The following ATP6V1B2 variants were observed in gnomAD, a reference collection of about 807,000 sequenced individuals.
ATP6V1B2 encodes the protein ATPase H+ transporting V1 subunit B2.
ATP6V1B2 carries 23 observed loss-of-function variants against 66.7 expected under a neutral mutation model. The observed-to-expected ratio is 0.34, with a 90% CI of 0.25 to 0.49. The LOEUF (loss-of-function observed/expected upper bound fraction) is 0.49. ATP6V1B2 is among the 20% of genes least tolerant of loss of function. The pLI is 0.99. For synonymous variants in ATP6V1B2, 278 were observed against 236.7 expected (o/e 1.17, Z -1.60); for missense variants, 478 against 650.8 (o/e 0.73, Z 2.89).
At chr8:20,219,548 C>A (rs1180397155) in intron 13 of ATP6V1B2, among the ~76,000 whole-genome samples, 3 of 152,136 alleles carry the variant, frequency 2.0e-5, no homozygotes, top group Non-Finnish European at 4.4e-5. Context: ...ATGCATCAGG[C>A]TGTACACTTA....
At chr8:20,212,420 G>A (rs1483815226) in intron 8 of ATP6V1B2, among the ~76,000 whole-genome samples, 1 of 152,170 alleles carries the variant, frequency 6.6e-6, no homozygotes, top group Non-Finnish European at 1.5e-5. Context: ...GTCTCATGGA[G>A]TTGTTTTGCA....
At chr8:20,205,252 T>C (rs1359234888) in intron 2 of ATP6V1B2, among the ~76,000 whole-genome samples, 2 of 152,276 alleles carry the variant, frequency 1.3e-5, no homozygotes, top group East Asian at 1.9e-4. Flanking sequence ...TTTTAAAATA[T>C]AAATTTTTTA....
chr8:20,203,894 G>A (rs377664127), intron 1 of ATP6V1B2: 11 of 436,178 alleles, frequency 2.5e-5, no homozygotes, highest in African/African-American at 1.2e-4. Context: ...TGCCTACTCC[G>A]TCCTTCAGAA....
intron 1 of ATP6V1B2, among the ~76,000 whole-genome samples, chr8:20,199,604 G>GTTCTTTTTTTTTTTTTTT (rs2072663551): frequency 1.1e-5 from 1 of 87,592 alleles, no homozygotes; most frequent in Non-Finnish European, 2.1e-5. Context: ...ATTTTTGTGG[G>GTTCTTTTTTTTTTTTTTT]TTTTTTTTTT....
intron 13 of ATP6V1B2, among the ~76,000 whole-genome samples, chr8:20,220,049 C>T (rs1285571288): frequency 2.0e-5 from 3 of 152,166 alleles, no homozygotes; most frequent in Admixed American, 6.5e-5. Flanking sequence ...CTCCCTGTCT[C>T]AGCCCAGCCG....
At chr8:20,198,280 T>C (rs2072649171) in intron 1 of ATP6V1B2, among the ~76,000 whole-genome samples, 1 of 152,226 alleles carries the variant, frequency 6.6e-6, no homozygotes, top group South Asian at 2.1e-4. Flanking sequence ...TCGCTGGGCC[T>C]TTTTCTACCG....
chr8:20,210,669 T>C lies in ATP6V1B2; in HGVS notation c.463+23T>C, dbSNP rs1258565149. 3 of 1,597,822 alleles carry C rather than the reference T, an allele frequency of 1.9e-6. No homozygotes were observed. The Admixed American group carries it at 5.0e-5, about 27-fold the overall frequency. On this transcript the variant is annotated intron_variant, in intron 5 of 13. Transcript: ENST00000276390. ...TGGGTAGGTACAGTAGATGGATTGC[T>C]GTGTTTGGGAGAAAATAACCTCACT...
rs1016526379 is a variant in ATP6V1B2, at chr8:20,217,392, T to C, written c.1266+68T>C. The C allele has an allele frequency of 2.2e-6, 3 of 1,349,734 alleles. No homozygotes were observed. In the East Asian group the frequency reaches 6.9e-5, roughly 31 times the overall value. The allele number at this position is 1,349,734 out of a possible 1,614,324, so 83.6% of individuals were successfully genotyped here. A position where few individuals can be genotyped will look rare whatever the true frequency, so the allele number is the denominator to read the frequency against. ...CGTTTCTGCTGTCTTACACCTCTTGTCTTTCACCCTTACCACTTCTCTCTT... is the reference window on the plus strand; with the variant it reads ...CGTTTCTGCTGTCTTACACCTCTTGCCTTTCACCCTTACCACTTCTCTCTT... On this transcript the variant is annotated intron_variant, in intron 12 of 13. Transcript: ENST00000276390.
intron 2 of ATP6V1B2, among the ~76,000 whole-genome samples, chr8:20,208,214 C>G (rs987225613): frequency 6.6e-6 from 1 of 152,026 alleles, no homozygotes; most frequent in African/African-American, 2.4e-5. Context: ...TATGAGGAGC[C>G]CCATACAAGA....
intron 10 of ATP6V1B2, chr8:20,215,245 T>G (rs754608796): frequency 1.6e-4 from 38 of 231,706 alleles, no homozygotes; most frequent in Non-Finnish European, 3.0e-4. Context: ...TAAAGAATTT[T>G]TGAAAAGAAT....
At chr8:20,197,862 A>C (rs895774040) in intron 1 of ATP6V1B2, among the ~76,000 whole-genome samples, 9 of 151,952 alleles carry the variant, frequency 5.9e-5, no homozygotes, top group Non-Finnish European at 1.3e-4. Context: ...CCCGAGGGCC[A>C]CTTCTTGCCA....
At position 20,221,423 on chromosome 8, in the gene ATP6V1B2, G is replaced by C. The variant is rs1480349255; in HGVS notation, c.*1021G>C. 1 of 152,612 alleles carries C rather than the reference G, an allele frequency of 6.6e-6. No homozygotes were observed. Among genetic ancestry groups the C allele is most frequent in the Non-Finnish European group, 1.5e-5 (1 of 68,064 alleles). 9.5% of individuals were successfully genotyped at this position (152,612 alleles called of 1,614,324 possible). A position where few individuals can be genotyped will look rare whatever the true frequency, so the allele number is the denominator to read the frequency against. On this transcript the variant is annotated 3_prime_UTR_variant, in exon 14 of 14. Coordinates refer to ENST00000276390, the MANE Select transcript of ATP6V1B2 (RefSeq NM_001693.4). ...AACGATAGCATTTCCAAGCTTTAGAGTTTTCTGAATTCCTGCGCCTTCCTG... is the reference window on the plus strand; with the variant it reads ...AACGATAGCATTTCCAAGCTTTAGACTTTTCTGAATTCCTGCGCCTTCCTG...
At chr8:20,217,076 G>A in intron 11 of ATP6V1B2, 144 bp from the exon 12 acceptor site, 1 of 660,294 alleles carries the variant, frequency 1.5e-6, no homozygotes, top group Non-Finnish European at 2.6e-6. Flanking sequence ...GCCAGGAAGA[G>A]ACAGTAGGAT....
At position 20,211,761 on chromosome 8, in the gene ATP6V1B2, G is replaced by C; in HGVS notation, c.705+8G>C. On this transcript the variant is annotated splice_region_variant and intron_variant, in intron 7 of 13. Coordinates refer to ENST00000276390, the MANE Select transcript of ATP6V1B2 (RefSeq NM_001693.4). ...GTATTTGCTGCTATGGGTGTAAGTA[G>C]AATTTTTGTTTTAGTATGATATGTA... 6.5e-7 allele frequency: 1 copy of C among 1,539,964 alleles called. No homozygotes were observed. Among genetic ancestry groups the C allele is most frequent in the Non-Finnish European group, 8.8e-7 (1 of 1,136,350 alleles).
intron 1 of ATP6V1B2, among the ~76,000 whole-genome samples, chr8:20,202,912 T>G (rs1427536731): frequency 1.3e-5 from 2 of 152,206 alleles, no homozygotes; most frequent in East Asian, 3.9e-4. Flanking sequence ...AGAAAACATA[T>G]TTCTAATGTA....
chr8:20,201,968 AC>A, intron 1 of ATP6V1B2, among the ~76,000 whole-genome samples: 1 of 152,228 alleles, frequency 6.6e-6, no homozygotes, highest in African/African-American at 2.4e-5. Flanking sequence ...TTGTAAAGCC[AC>A]CAGTTACCTT....
intron 10 of ATP6V1B2, chr8:20,215,184 T>C (rs1488949351): frequency 4.1e-6 from 2 of 491,228 alleles, no homozygotes; most frequent in Non-Finnish European, 6.8e-6. Context: ...AGTTTTTAAC[T>C]TTATTAGGTA....
chr8:20,216,300 A>ATGT (rs201704225), intron 10 of ATP6V1B2, 113 bp from the exon 11 acceptor site: 43,541 of 767,640 alleles, frequency 0.057, 1,648 homozygotes, highest in South Asian at 0.087. Context: ...CTTCTAAGTA[A>ATGT]TGTTACAGGT....
rs1387028413 is a variant in ATP6V1B2, at chr8:20,206,009, T to G, written c.192+1470T>G. Among the ~76,000 whole-genome samples the G allele has an allele frequency of 1.3e-5, 2 of 152,200 alleles. 1 individual carries two copies. The highest frequency in any genetic ancestry group is 2.9e-5 in the Non-Finnish European group (2 of 68,030). ...CAATAAATACAGAAAAAAAATTTGA[T>G]GAAATTACTCATTTTTTAAAAAGCC... On this transcript the variant is annotated intron_variant, in intron 2 of 13. Transcript: ENST00000276390.
Sources: allele counts gnomAD v4.1 joint callset (sites outside exome capture counted in the v4.1 genomes callset), GRCh38; gene constraint gnomAD v4.1.1; transcripts MANE v1.5; gene names NCBI Gene and HGNC (gene_info 2026-07-23, HGNC 2026-07-21).